The following GREB1L variants were observed in gnomAD, a reference collection of about 807,000 sequenced individuals.
GREB1L encodes the protein GREB1-like protein.
GREB1L carries 17 observed loss-of-function variants against 200.8 expected under a neutral mutation model. The observed-to-expected ratio is 0.08, with a 90% CI of 0.06 to 0.13. The LOEUF (loss-of-function observed/expected upper bound fraction) is 0.13. Ranked by LOEUF, GREB1L falls within the 10% of genes least tolerant of loss-of-function variation. GREB1L has a pLI of 1.00. For missense variants in GREB1L, 1,657 were observed against 2,367.7 expected (o/e 0.70, Z 6.23); for synonymous variants, 789 against 893.0 (o/e 0.88, Z 2.08).
intron 1 of GREB1L, among the ~76,000 whole-genome samples, chr18:21,350,554 A>T (rs1261358891): frequency 2.0e-5 from 3 of 152,082 alleles, no homozygotes. Context: ...TTGCTTTAAT[A>T]ATAATTTATG....
Position 21,522,992 on chromosome 18 carries a change from A to G in GREB1L, c.*171A>G. The G allele has an allele frequency of 3.4e-6, 2 of 581,846 alleles. No individual in the cohort carries two copies. Among genetic ancestry groups the G allele is most frequent in the Non-Finnish European group, 5.8e-6 (2 of 344,442 alleles). 36.0% of individuals were successfully genotyped at this position (581,846 alleles called of 1,614,324 possible). On this transcript the variant is annotated 3_prime_UTR_variant, in exon 33 of 33. Transcript: ENST00000424526. ...TCTGATCCAGGTCTTTGGGGACATC[A>G]CTTTCCTTCAGTTCCAATTACAGGA...
intron 5 of GREB1L, among the ~76,000 whole-genome samples, chr18:21,397,352 A>G (rs1185985785): frequency 6.6e-6 from 1 of 151,572 alleles, no homozygotes; most frequent in African/African-American, 2.4e-5. Flanking sequence ...TCTCTACTAA[A>G]AAAAACCCCG....
At chr18:21,306,049 C>T (rs554920458) in intron 1 of GREB1L, among the ~76,000 whole-genome samples, 2 of 152,254 alleles carry the variant, frequency 1.3e-5, no homozygotes, top group South Asian at 4.2e-4. Context: ...TTATTGTATT[C>T]CTAGCAAACA....
rs2039126897 is a variant in GREB1L, at chr18:21,332,930, A to G, written c.-119-33097A>G. 2.6e-5 allele frequency among the ~76,000 whole-genome samples: 4 copies of G among 151,900 alleles called. No individual in the cohort carries two copies. The South Asian group carries it at 8.3e-4, about 32-fold the overall frequency. On this transcript the variant is annotated intron_variant, in intron 1 of 32. Transcript: ENST00000424526. ...ACCCTGTCTCTACAAAAAGTTAGATAATTAGCTGGGTGTGATGACATATAC... is the reference window on the plus strand; with the variant it reads ...ACCCTGTCTCTACAAAAAGTTAGATGATTAGCTGGGTGTGATGACATATAC...
intron 15 of GREB1L, among the ~76,000 whole-genome samples, chr18:21,463,337 G>A (rs2035135564): frequency 6.6e-6 from 1 of 151,290 alleles, no homozygotes; most frequent in African/African-American, 2.4e-5. Flanking sequence ...AATAGAGATG[G>A]GGTTTCACCA....
chr18:21,391,873 A>G (rs2040823078), intron 4 of GREB1L, among the ~76,000 whole-genome samples: 1 of 152,118 alleles, frequency 6.6e-6, no homozygotes, highest in Admixed American at 6.6e-5. Context: ...GCAGTGGTGC[A>G]ATCTCGGCTC....
chr18:21,276,646 G>GT (rs2038169222), intron 1 of GREB1L, among the ~76,000 whole-genome samples: 3 of 152,108 alleles, frequency 2.0e-5, no homozygotes, highest in African/African-American at 7.2e-5. Context: ...ATTCCTCAGA[G>GT]TGAGGAATCC....
chr18:21,374,797 A>G (rs1410463682), intron 2 of GREB1L, among the ~76,000 whole-genome samples: 1 of 151,514 alleles, frequency 6.6e-6, no homozygotes, highest in Non-Finnish European at 1.5e-5. Context: ...CCCCAAGTGC[A>G]GTACTTGAAA....
chr18:21,299,102 A>C (rs1020566170), intron 1 of GREB1L, among the ~76,000 whole-genome samples: 11 of 151,756 alleles, frequency 7.2e-5, no homozygotes, highest in Non-Finnish European at 1.6e-4. Context: ...ACATGGTGAA[A>C]TCCTGTCTCT....
At chr18:21,251,318 A>G (rs1285162139) in intron 1 of GREB1L, among the ~76,000 whole-genome samples, 4 of 152,146 alleles carry the variant, frequency 2.6e-5, no homozygotes, top group Admixed American at 1.3e-4. Context: ...TTAGTACTGT[A>G]TATGTGCTAT....
At chr18:21,446,791 G>T (rs567119909) in intron 11 of GREB1L, among the ~76,000 whole-genome samples, 6 of 152,126 alleles carry the variant, frequency 3.9e-5, no homozygotes, top group African/African-American at 1.4e-4. Context: ...TACTTCAGCG[G>T]CTCAGTTACT....
chr18:21,423,000 G>T (rs2032279616), intron 7 of GREB1L, among the ~76,000 whole-genome samples: 1 of 151,936 alleles, frequency 6.6e-6, no homozygotes, highest in Non-Finnish European at 1.5e-5. Context: ...GCGCGATCTC[G>T]GCTCACTGCA....
At chr18:21,413,009 T>C (rs1033924595) in intron 7 of GREB1L, among the ~76,000 whole-genome samples, 5 of 152,186 alleles carry the variant, frequency 3.3e-5, no homozygotes, top group Non-Finnish European at 7.3e-5. Context: ...GTTGCTGTCA[T>C]AGTAATCTCT....
At chr18:21,453,779 T>C (rs1291739182) in intron 14 of GREB1L, among the ~76,000 whole-genome samples, 1 of 151,678 alleles carries the variant, frequency 6.6e-6, no homozygotes, top group African/African-American at 2.4e-5. Context: ...TGGAGTCCAG[T>C]GGGAAGAAAG....
intron 1 of GREB1L, among the ~76,000 whole-genome samples, chr18:21,260,377 GATAC>G (rs1314091876): frequency 6.6e-6 from 1 of 151,758 alleles, no homozygotes; most frequent in Non-Finnish European, 1.5e-5. Context: ...GAGAAAAGAA[GATAC>G]ATATTAAGGA....
At chr18:21,251,860 G>A (rs1343013941) in intron 1 of GREB1L, among the ~76,000 whole-genome samples, 7 of 150,198 alleles carry the variant, frequency 4.7e-5, no homozygotes, top group South Asian at 2.1e-4. Context: ...CAGGAGAATC[G>A]CTTGAACCGA....
chr18:21,520,491 G>C (rs2037572342), intron 31 of GREB1L, among the ~76,000 whole-genome samples, 197 bp from the exon 32 acceptor site: 1 of 152,110 alleles, frequency 6.6e-6, no homozygotes, highest in South Asian at 2.1e-4. Flanking sequence ...CTTTAAACAG[G>C]TTAACACTTG....
At chr18:21,319,629 C>A (rs796486941) in intron 1 of GREB1L, among the ~76,000 whole-genome samples, 162 of 152,288 alleles carry the variant, frequency 1.1e-3, no homozygotes, top group African/African-American at 3.8e-3. Flanking sequence ...AGATGTTAAA[C>A]CTCCAACTTA....
At chr18:21,476,428 C>A (rs1348905067) in intron 16 of GREB1L, among the ~76,000 whole-genome samples, 1 of 151,894 alleles carries the variant, frequency 6.6e-6, no homozygotes. Context: ...AAATTTTGCC[C>A]ACATCTGTTT....
Sources: allele counts gnomAD v4.1 joint callset (sites outside exome capture counted in the v4.1 genomes callset), GRCh38; gene constraint gnomAD v4.1.1; transcripts MANE v1.5; gene names NCBI Gene and HGNC (gene_info 2026-07-23, HGNC 2026-07-21).